The following ZMYND12 variants were observed in gnomAD, a reference collection of about 807,000 sequenced individuals.
ZMYND12 encodes the protein zinc finger MYND domain-containing protein 12.
In ZMYND12, 32 loss-of-function variants were observed where a neutral mutation model predicts 41.7. The ratio of observed to expected loss-of-function variants is 0.77; its 90% confidence interval spans 0.58 to 1.03. ZMYND12 has a LOEUF of 1.03. Ranked by LOEUF, ZMYND12 falls within the 50% of genes least tolerant of loss-of-function variation. The probability of loss-of-function intolerance (pLI) is 0.00; values close to 1 mark genes in which losing one functional copy is unlikely to be tolerated. For missense variants in ZMYND12, 424 were observed against 438.5 expected (o/e 0.97, Z 0.30); for synonymous variants, 148 against 164.8 (o/e 0.90, Z 0.78).
chr1:42,436,858 T>C (rs1387077071), intron 4 of ZMYND12, among the ~76,000 whole-genome samples: 1 of 151,980 alleles, frequency 6.6e-6, no homozygotes, highest in African/African-American at 2.4e-5. Context: ...CCCTCACACA[T>C]TGCCAATGGG....
chr1:42,434,895 C>A (rs1331978621), intron 6 of ZMYND12, among the ~76,000 whole-genome samples: 1 of 152,058 alleles, frequency 6.6e-6, no homozygotes, highest in East Asian at 1.9e-4. Flanking sequence ...CCCACGCCCC[C>A]CAGTCCATGG....
Position 42,450,066 on chromosome 1 carries a change from A to G in ZMYND12, c.111-7T>C. ...CTTCTGATGTACCACCCCACTGACA[A>G]CGGAAACATAGACTTTATGATCTTT... On this transcript the variant is annotated splice_polypyrimidine_tract_variant and splice_region_variant and intron_variant, in intron 1 of 7. Transcript: ENST00000372565. The G allele has an allele frequency of 6.2e-7, 1 of 1,613,278 alleles. No homozygotes were observed. The highest frequency in any genetic ancestry group is 8.5e-7 in the Non-Finnish European group (1 of 1,179,960).
chr1:42,433,201 G>GT lies in ZMYND12; in HGVS notation c.916dup (p.Thr306AsnfsTer38). 3.1e-6 allele frequency: 5 copies of GT among 1,612,570 alleles called. No individual in the cohort carries two copies. Among genetic ancestry groups the GT allele is most frequent in the Non-Finnish European group, 4.2e-6 (5 of 1,179,396 alleles). ...GACCAGGATCTTCAGAACAAAGATG[G>GT]TTTTTTGGGGGGCTTTGTCAGATGT... On this transcript the variant is annotated frameshift_variant, in exon 7 of 8. Transcript: ENST00000372565. LOFTEE classifies it high-confidence loss of function.
At chr1:42,444,668 C>T (rs1353661377) in intron 3 of ZMYND12, among the ~76,000 whole-genome samples, 2 of 152,038 alleles carry the variant, frequency 1.3e-5, no homozygotes, top group African/African-American at 2.4e-5. Flanking sequence ...TGAAGACATC[C>T]GTGATAATTA....
chr1:42,440,494 A>G (rs1415318585), intron 3 of ZMYND12, among the ~76,000 whole-genome samples: 3 of 152,094 alleles, frequency 2.0e-5, no homozygotes, highest in East Asian at 1.9e-4. Context: ...GGGGAGTCCA[A>G]TGCAAGGGAG....
chr1:42,452,691 A>C (rs1380499952), intron 1 of ZMYND12, among the ~76,000 whole-genome samples: 2 of 152,214 alleles, frequency 1.3e-5, no homozygotes, highest in Non-Finnish European at 2.9e-5. Context: ...TGACAGAGCA[A>C]GACTCCGTCT....
In ZMYND12 at chr1:42,449,978, C is replaced by T. The variant is rs769950581; in HGVS notation, c.192G>A (p.Met64Ile). 15 of 1,613,776 alleles carry T rather than the reference C, an allele frequency of 9.3e-6. No homozygotes were observed. Among genetic ancestry groups the T allele is most frequent in the Non-Finnish European group, 8.5e-7 (1 of 1,180,034 alleles). The change falls in exon 2 of 8, where the codon ATG (methionine) becomes ATA (isoleucine). Residue 64 changes from methionine (M) to isoleucine (I), a missense_variant. By Grantham distance (10) the Met-to-Ile change is conservative (BLOSUM62 1). Coordinates refer to ENST00000372565, the MANE Select transcript of ZMYND12 (RefSeq NM_032257.5). ...CQLLIPLRTS[M>I]PFYNSEEERQ... ...GTTCTTCCTCTGAATTGTAGAAGGG[C>T]ATGGAAGTGCGCAGTGGAATCAAGA...
intron 4 of ZMYND12, among the ~76,000 whole-genome samples, chr1:42,438,394 C>G (rs1460445301): frequency 6.6e-6 from 1 of 152,130 alleles, no homozygotes; most frequent in Non-Finnish European, 1.5e-5. Context: ...AAACTATTAC[C>G]ATCCCTACAC....
intron 5 of ZMYND12, among the ~76,000 whole-genome samples, chr1:42,436,206 C>T (rs763484426): frequency 2.6e-5 from 4 of 152,092 alleles, no homozygotes; most frequent in Non-Finnish European, 5.9e-5. Flanking sequence ...AATCACCCTA[C>T]GGATGTTAAG....
rs763023989 is a variant in ZMYND12 at position 42,433,159 on chromosome 1, A to G, written c.959T>C (p.Met320Thr). The change falls in exon 7 of 8, where the codon ATG (methionine) becomes ACG (threonine). Residue 320 changes from methionine (M) to threonine (T), a missense_variant. Met to Thr is a moderately conservative substitution (Grantham distance 81). Transcript: ENST00000372565. ...GAAACTTGCCTTTGAAGAATTCATC[A>G]TCAGGTAGTAAAACATGACCAGGAT... ...LKILVMFYYLMMNSSKAQEYG... is the reference protein window; with the variant it reads ...LKILVMFYYLTMNSSKAQEYG... The G allele has an allele frequency of 6.2e-7, 1 of 1,609,810 alleles. No individual in the cohort carries two copies. Among genetic ancestry groups the G allele is most frequent in the South Asian group, 1.1e-5 (1 of 89,660 alleles).
intron 3 of ZMYND12, 48 bp downstream of exon 3, chr1:42,448,419 C>G (rs779812971): frequency 6.7e-7 from 1 of 1,494,560 alleles, no homozygotes; most frequent in Non-Finnish European, 8.9e-7. Flanking sequence ...GTGACCCAAA[C>G]ATAACACCAC....
Position 42,430,624 on chromosome 1 carries a change from G to C in ZMYND12, c.*112C>G. The C allele has an allele frequency of 7.2e-7, 1 of 1,384,346 alleles. No individual in the cohort carries two copies. The highest frequency in any genetic ancestry group is 9.9e-7 in the Non-Finnish European group (1 of 1,011,090). The allele number at this position is 1,384,346 out of a possible 1,614,324, so 85.8% of individuals were successfully genotyped here. A position where few individuals can be genotyped will look rare whatever the true frequency, so the allele number is the denominator to read the frequency against. On this transcript the variant is annotated 3_prime_UTR_variant, in exon 8 of 8. Transcript: ENST00000372565. The stretch of plus-strand genomic sequence containing the variant: ...AGCTATGTGTGCAATCCCAGGGGAA[G>C]AGGGTGGAAACTTCAGCAGTCTACA...
intron 3 of ZMYND12, among the ~76,000 whole-genome samples, chr1:42,445,767 C>A (rs995589650): frequency 3.3e-5 from 5 of 152,004 alleles, no homozygotes; most frequent in African/African-American, 7.3e-5. Flanking sequence ...GAAATTTGAT[C>A]TTTATTTAGA....
chr1:42,454,882 C>T (rs1643135449), intron 1 of ZMYND12, among the ~76,000 whole-genome samples: 1 of 151,744 alleles, frequency 6.6e-6, no homozygotes, highest in South Asian at 2.1e-4. Context: ...TTTGACTCAA[C>T]CTATAGTAAG....
intron 7 of ZMYND12, 59 bp downstream of exon 7, chr1:42,433,084 T>A (rs1377959672): frequency 3.1e-6 from 5 of 1,596,108 alleles, no homozygotes; most frequent in Non-Finnish European, 4.3e-6. Flanking sequence ...AAATTTTGAG[T>A]TCAACTAGTT....
intron 2 of ZMYND12, among the ~76,000 whole-genome samples, chr1:42,449,187 T>C (rs1333906051): frequency 6.6e-6 from 1 of 152,210 alleles, no homozygotes; most frequent in African/African-American, 2.4e-5. Context: ...TTTAGAGTGA[T>C]TGAGATGCTC....
chr1:42,444,664 C>T (rs925768710), intron 3 of ZMYND12, among the ~76,000 whole-genome samples: 2 of 152,152 alleles, frequency 1.3e-5, no homozygotes, highest in African/African-American at 4.8e-5. Context: ...AGTGTGAAGA[C>T]ATCCGTGATA....
intron 4 of ZMYND12, 78 bp downstream of exon 4, chr1:42,439,778 T>C: frequency 7.0e-7 from 1 of 1,419,460 alleles, no homozygotes; most frequent in Non-Finnish European, 9.5e-7. Flanking sequence ...TTAAAAAAAT[T>C]AAACAGATTT....
At chr1:42,440,517 G>C (rs1050446110) in intron 3 of ZMYND12, among the ~76,000 whole-genome samples, 1 of 151,818 alleles carries the variant, frequency 6.6e-6, no homozygotes, top group African/African-American at 2.4e-5. Context: ...ACTAACAGGG[G>C]GTCCAATGCA....
Sources: allele counts gnomAD v4.1 joint callset (sites outside exome capture counted in the v4.1 genomes callset), GRCh38; gene constraint gnomAD v4.1.1; transcripts MANE v1.5; gene names NCBI Gene and HGNC (gene_info 2026-07-23, HGNC 2026-07-21).